The following CFAP70 variants were observed in gnomAD, a reference collection of about 807,000 sequenced individuals.
CFAP70 encodes the protein cilia and flagella associated protein 70.
A neutral mutation model predicts 137.6 loss-of-function variants in CFAP70; 81 were observed. The ratio of observed to expected loss-of-function variants is 0.59; its 90% CI spans 0.49 to 0.71. CFAP70 has a LOEUF of 0.71. Among genes scored for constraint, CFAP70 ranks in the 30% least tolerant of loss-of-function variants. The pLI is 0.00. For missense variants in CFAP70, 976 were observed against 1,226.7 expected (o/e 0.80, Z 3.05); for synonymous variants, 382 against 423.6 (o/e 0.90, Z 1.20).
rs575331539 is a variant in CFAP70 at position 73,335,991 on chromosome 10, A to C, written c.583-467T>G. On this transcript the variant is annotated intron_variant, in intron 6 of 26. Coordinates refer to ENST00000310715, the Ensembl canonical transcript of CFAP70. ...CTCCATCTCTAAAAATAATTTAAAA[A>C]TTAGCTAAGTGTGGTGGCATGAGCC... 7.2e-5 allele frequency among the ~76,000 whole-genome samples: 11 copies of C among 152,174 alleles called. No individual in the cohort carries two copies. The East Asian group carries it at 1.4e-3, about 19-fold the overall frequency.
intron 8 of CFAP70, among the ~76,000 whole-genome samples, chr10:73,330,868 T>C (rs1206475122): frequency 3.9e-5 from 6 of 152,202 alleles, no homozygotes; most frequent in African/African-American, 7.2e-5. Flanking sequence ...GTTTAACCTA[T>C]GGTAAAACTA....
intron 8 of CFAP70, among the ~76,000 whole-genome samples, chr10:73,330,763 T>C (rs2051989368): frequency 6.6e-6 from 1 of 152,110 alleles, no homozygotes; most frequent in African/African-American, 2.4e-5. Flanking sequence ...AGATAATATG[T>C]ACTAGGCTCA....
chr10:73,312,377 G>T, intron 10 of CFAP70, 96 bp downstream of exon 11: 2 of 911,272 alleles, frequency 2.2e-6, no homozygotes, highest in South Asian at 1.9e-5. Flanking sequence ...AAAAAAAAAT[G>T]CAAACTAACA....
At chr10:73,314,282 A>C (rs549305761) in intron 9 of CFAP70, among the ~76,000 whole-genome samples, 50 of 152,342 alleles carry the variant, frequency 3.3e-4, no homozygotes, top group African/African-American at 1.2e-3. Flanking sequence ...AAACTTTAAT[A>C]TTGTACAATT....
At chr10:73,276,464 G>A (rs926291079) in intron 21 of CFAP70, 3 of 152,214 alleles carry the variant, frequency 2.0e-5, no homozygotes, top group African/African-American at 7.2e-5. Flanking sequence ...CTGACCTGGG[G>A]GAGCTAATGA....
chr10:73,282,502 A>G (rs1251797374), intron 19 of CFAP70, among the ~76,000 whole-genome samples: 1 of 152,118 alleles, frequency 6.6e-6, no homozygotes, highest in Non-Finnish European at 1.5e-5. Flanking sequence ...AAGGACATTA[A>G]AACAGGGTCT....
chr10:73,346,343 T>C (rs529889139), intron 4 of CFAP70, among the ~76,000 whole-genome samples: 11 of 152,182 alleles, frequency 7.2e-5, no homozygotes, highest in African/African-American at 2.6e-4. Flanking sequence ...AGGTTTTAAA[T>C]GTGTATTGAG....
At chr10:73,320,584 C>A (rs1474101369) in intron 9 of CFAP70, among the ~76,000 whole-genome samples, 2 of 152,180 alleles carry the variant, frequency 1.3e-5, no homozygotes, top group Admixed American at 6.5e-5. Flanking sequence ...CCACCTCAGC[C>A]TCCTGAAATG....
At chr10:73,259,986 C>T (rs942274406) in intron 25 of CFAP70, among the ~76,000 whole-genome samples, 1 of 151,818 alleles carries the variant, frequency 6.6e-6, no homozygotes, top group Non-Finnish European at 1.5e-5. Flanking sequence ...TGTGTTCCTG[C>T]CACTGCATTC....
intron 12 of CFAP70, 82 bp from the exon 14 acceptor site, chr10:73,299,747 A>C (rs760205862): frequency 2.0e-5 from 23 of 1,130,172 alleles, no homozygotes; most frequent in Non-Finnish European, 2.8e-5. Flanking sequence ...TCTTATCCTC[A>C]AAGTGTCTGG....
chr10:73,316,234 C>G (rs2050322415), intron 9 of CFAP70, among the ~76,000 whole-genome samples: 1 of 151,854 alleles, frequency 6.6e-6, no homozygotes, highest in Non-Finnish European at 1.5e-5. Context: ...CTACTATAAA[C>G]AGTATATAGT....
intron 15 of CFAP70, chr10:73,295,643 T>G (rs2048499327): frequency 6.6e-6 from 1 of 152,246 alleles, no homozygotes; most frequent in African/African-American, 2.4e-5. Flanking sequence ...TATTTAACAA[T>G]GTTGACCACT....
upstream of CFAP70, among the ~76,000 whole-genome samples, chr10:73,359,493 G>A (rs907881457): frequency 5.3e-5 from 8 of 152,018 alleles, no homozygotes; most frequent in African/African-American, 9.7e-5. Flanking sequence ...GCCAAATAAG[G>A]GACAATTTGA....
intron 8 of CFAP70, among the ~76,000 whole-genome samples, chr10:73,329,516 A>C (rs893676035): frequency 2.0e-5 from 3 of 152,132 alleles, no homozygotes; most frequent in Non-Finnish European, 4.4e-5. Flanking sequence ...ATAAACAAAC[A>C]AACAAACAAA....
intron 9 of CFAP70, among the ~76,000 whole-genome samples, chr10:73,322,117 T>C (rs2050918495): frequency 6.6e-6 from 1 of 152,186 alleles, no homozygotes; most frequent in Admixed American, 6.5e-5. Flanking sequence ...GTATCCAAAT[T>C]TATTGAGGTA....
chr10:73,308,079 C>T (rs955473981), intron 12 of CFAP70, among the ~76,000 whole-genome samples: 7 of 151,810 alleles, frequency 4.6e-5, no homozygotes, highest in Admixed American at 6.6e-5. Context: ...TGCTTGAACC[C>T]GGGAGGCAGA....
chr10:73,334,207 G>T (rs188166806), intron 7 of CFAP70, among the ~76,000 whole-genome samples: 1 of 152,302 alleles, frequency 6.6e-6, no homozygotes, highest in East Asian at 1.9e-4. Flanking sequence ...CACAATATCA[G>T]TGTACCTGTT....
intron 15 of CFAP70, chr10:73,294,995 G>A (rs960196465): frequency 6.6e-6 from 1 of 152,134 alleles, no homozygotes; most frequent in African/African-American, 2.4e-5. Context: ...CAAACCTGTG[G>A]ATGTGCTCAA....
At chr10:73,297,115 T>C (rs1442758249) in exon 15 of CFAP70, 5 of 1,613,922 alleles carry the variant, frequency 3.1e-6, no homozygotes, top group Admixed American at 1.7e-5. Flanking sequence ...AAGTTCCTCC[T>C]GGCTTTCAAA....
Sources: gnomAD v4.1 joint callset for allele counts (sites outside exome capture counted in the v4.1 genomes callset) on GRCh38, gnomAD v4.1.1 for gene constraint, MANE v1.5 for transcripts, NCBI Gene and HGNC (gene_info 2026-07-23, HGNC 2026-07-21) for gene names.